Variants in TGFBR3 observed in about 807,000 individuals in gnomAD.
The protein encoded by TGFBR3 is transforming growth factor beta receptor 3, also known as transforming growth factor beta receptor type 3.
In TGFBR3, 46 loss-of-function variants were observed where a neutral mutation model predicts 87.9. The ratio of observed to expected loss-of-function variants is 0.52; its 90% CI spans 0.41 to 0.67. The LOEUF is 0.67. Among genes scored for constraint, TGFBR3 ranks in the 30% least tolerant of loss-of-function variants. TGFBR3 has a pLI of 0.00. For synonymous variants in TGFBR3, 381 were observed against 391.6 expected (o/e 0.97, Z 0.32); for missense variants, 866 against 1,041.9 (o/e 0.83, Z 2.32).
intron 2 of TGFBR3, among the ~76,000 whole-genome samples, chr1:91,849,969 C>G (rs1251356826): frequency 6.6e-6 from 1 of 150,798 alleles, no homozygotes; most frequent in East Asian, 2.0e-4. Context: ...GTAGTCCCAG[C>G]TACTCGGGAG....
chr1:91,900,995 G>C (rs1344900941), intron 1 of TGFBR3, among the ~76,000 whole-genome samples: 22 of 152,120 alleles, frequency 1.4e-4, no homozygotes, highest in Non-Finnish European at 3.2e-4. Flanking sequence ...GGAATACCTG[G>C]GACTATAGGC....
At chr1:91,883,087 G>C (rs1474110967) in intron 1 of TGFBR3, among the ~76,000 whole-genome samples, 1 of 152,154 alleles carries the variant, frequency 6.6e-6, no homozygotes, top group Non-Finnish European at 1.5e-5. Context: ...CATTACAAAA[G>C]GATTCACAAC....
intron 2 of TGFBR3, among the ~76,000 whole-genome samples, chr1:91,834,978 C>A (rs938936013): frequency 6.6e-6 from 1 of 152,122 alleles, no homozygotes; most frequent in Non-Finnish European, 1.5e-5. Flanking sequence ...CTGTGCCTGG[C>A]GGTGAGATAA....
upstream of TGFBR3, among the ~76,000 whole-genome samples, chr1:91,888,102 T>C (rs192718814): frequency 1.8e-4 from 28 of 152,252 alleles, no homozygotes; most frequent in East Asian, 5.2e-3. Flanking sequence ...CTCATGATAG[T>C]GAATAAGTCT....
At chr1:91,905,877 G>C (rs890753048) in exon 1 of TGFBR3, 6 of 152,248 alleles carry the variant, frequency 3.9e-5, no homozygotes, top group African/African-American at 1.4e-4. Context: ...TCCATCTGCA[G>C]ATAGCTTCTT....
intron 2 of TGFBR3, among the ~76,000 whole-genome samples, chr1:91,820,652 C>T (rs942757193): frequency 6.6e-6 from 1 of 152,176 alleles, no homozygotes; most frequent in Non-Finnish European, 1.5e-5. Flanking sequence ...CACCACTGCA[C>T]TCCAGCCTGG....
At chr1:91,862,680 C>A (rs1678245921) in intron 1 of TGFBR3, among the ~76,000 whole-genome samples, 1 of 152,222 alleles carries the variant, frequency 6.6e-6, no homozygotes, top group Non-Finnish European at 1.5e-5. Context: ...GAGCCTGGCA[C>A]AACTCACAGA....
chr1:91,830,888 C>T (rs1278458701), intron 2 of TGFBR3, among the ~76,000 whole-genome samples: 4 of 152,146 alleles, frequency 2.6e-5, no homozygotes, highest in Non-Finnish European at 2.9e-5. Context: ...GCCGATCAGA[C>T]GCTTTCTCCC....
chr1:91,869,933 G>A (rs1329377069), intron 1 of TGFBR3, among the ~76,000 whole-genome samples: 1 of 152,148 alleles, frequency 6.6e-6, no homozygotes, highest in Non-Finnish European at 1.5e-5. Flanking sequence ...TAGAAAATGA[G>A]ACTTCAAACA....
chr1:91,691,153 A>C (rs1032793381), intron 16 of TGFBR3, among the ~76,000 whole-genome samples: 2 of 152,172 alleles, frequency 1.3e-5, no homozygotes, highest in Non-Finnish European at 2.9e-5. Context: ...AAAACAGGAA[A>C]GAAAGGAAAA....
upstream of TGFBR3, among the ~76,000 whole-genome samples, chr1:91,887,643 G>C (rs1033905161): frequency 6.6e-6 from 1 of 152,080 alleles, no homozygotes; most frequent in African/African-American, 2.4e-5. Context: ...GTTATTGAGA[G>C]AACAGGAAAT....
intron 1 of TGFBR3, among the ~76,000 whole-genome samples, chr1:91,874,073 C>T (rs528783763): frequency 6.6e-6 from 1 of 152,236 alleles, no homozygotes; most frequent in South Asian, 2.1e-4. Context: ...CATAAAAATC[C>T]CTGCCCTGAT....
intron 2 of TGFBR3, among the ~76,000 whole-genome samples, chr1:91,810,424 C>A (rs1353888615): frequency 6.6e-6 from 1 of 152,208 alleles, no homozygotes; most frequent in Non-Finnish European, 1.5e-5. Flanking sequence ...ACACCTGTTA[C>A]TCCTTTATAG....
At chr1:91,786,653 A>C (rs938926741) in intron 3 of TGFBR3, among the ~76,000 whole-genome samples, 20 of 151,916 alleles carry the variant, frequency 1.3e-4, no homozygotes, top group Non-Finnish European at 2.4e-4. Flanking sequence ...TGGGAGGCTG[A>C]GGCAGGAGAA....
chr1:91,822,449 C>A (rs1676484892), intron 2 of TGFBR3, among the ~76,000 whole-genome samples: 1 of 151,956 alleles, frequency 6.6e-6, no homozygotes, highest in Non-Finnish European at 1.5e-5. Flanking sequence ...CACATCTAAT[C>A]TATTTTGGGG....
At chr1:91,714,985 C>T (rs1672112378) in intron 12 of TGFBR3, among the ~76,000 whole-genome samples, 2 of 152,198 alleles carry the variant, frequency 1.3e-5, no homozygotes, top group Admixed American at 6.5e-5. Context: ...AGTTATGTGT[C>T]TTTCCAAAAC....
chr1:91,884,945 T>C (rs375021096), intron 1 of TGFBR3, among the ~76,000 whole-genome samples: 2 of 152,250 alleles, frequency 1.3e-5, no homozygotes, highest in Admixed American at 6.5e-5. Context: ...ACTCCTACTA[T>C]CCTCTGCCCT....
chr1:91,689,633 G>A (rs757221203), intron 16 of TGFBR3, among the ~76,000 whole-genome samples: 1 of 152,094 alleles, frequency 6.6e-6, no homozygotes, highest in Non-Finnish European at 1.5e-5. Context: ...AAAGATTATG[G>A]CTACGTGACC....
At chr1:91,759,473 G>T (rs1487353388) in intron 3 of TGFBR3, among the ~76,000 whole-genome samples, 3 of 150,386 alleles carry the variant, frequency 2.0e-5, no homozygotes, top group Non-Finnish European at 4.4e-5. Context: ...AAGGACTATT[G>T]CAGGTCATCA....
Sources: allele counts gnomAD v4.1 joint callset (sites outside exome capture counted in the v4.1 genomes callset), GRCh38; gene constraint gnomAD v4.1.1; transcripts MANE v1.5; gene names NCBI Gene and HGNC (gene_info 2026-07-23, HGNC 2026-07-21).